Variants in FAM107B observed in about 807,000 individuals in gnomAD.
The protein encoded by FAM107B is protein FAM107B.
Under a neutral mutation model 31.5 loss-of-function variants are expected in FAM107B, and 21 were observed. The observed-to-expected ratio is 0.67, with a 90% CI of 0.47 to 0.96. The LOEUF (loss-of-function observed/expected upper bound fraction) is 0.96. FAM107B is among the 40% of genes least tolerant of loss of function. FAM107B has a pLI of 0.00. For synonymous variants in FAM107B, 157 were observed against 141.5 expected, an observed-to-expected ratio of 1.11 and a Z score of -0.78; for missense variants, 452 against 377.1, an observed-to-expected ratio of 1.20 and a Z score of -1.64.
rs545734524 is a variant in FAM107B at position 14,558,257 on chromosome 10, G to GCACACTCACATACGTGCACGCA, written c.470-27743_470-27742insTGCGTGCACGTATGTGAGTGTG. Among the ~76,000 whole-genome samples, 163 of 152,108 alleles carry GCACACTCACATACGTGCACGCA rather than the reference G, an allele frequency of 1.1e-3. 1 individual carries two copies. The highest frequency in any genetic ancestry group is 3.5e-3 in the African/African-American group (145 of 41,478). ...TGCGCACACTCACATACGTGCACGCGCACAGTCACACATACGTGCACGCAC... is the reference window on the plus strand; with the variant it reads ...TGCGCACACTCACATACGTGCACGCGCACACTCACATACGTGCACGCACACAGTCACACATACGTGCACGCAC... On this transcript the variant is annotated intron_variant, in intron 2 of 4. Transcript: ENST00000181796.
intron 1 of FAM107B, among the ~76,000 whole-genome samples, chr10:14,693,520 T>C (rs1855195149): frequency 6.6e-6 from 1 of 150,992 alleles, no homozygotes; most frequent in South Asian, 2.1e-4. Flanking sequence ...GGGATACATA[T>C]GGATAGTAAA....
In FAM107B at chr10:14,728,752, T is replaced by C. The variant is rs569757117; in HGVS notation, c.411+45501A>G. Among the ~76,000 whole-genome samples, 15 of 152,326 alleles carry C rather than the reference T, an allele frequency of 9.8e-5. No individual in the cohort carries two copies. In the South Asian group the frequency reaches 2.1e-3, roughly 21 times the overall value. ...TTGACCTCCAGCCACCTCTGAACAC[T>C]TTCAAGTCATAATCTTATTCAGCCT... On this transcript the variant is annotated intron_variant, in intron 1 of 4. Coordinates refer to ENST00000181796, the MANE Select transcript of FAM107B (RefSeq NM_031453.4).
At chr10:14,696,906 GA>G (rs1468076691) in intron 1 of FAM107B, among the ~76,000 whole-genome samples, 6 of 152,254 alleles carry the variant, frequency 3.9e-5, no homozygotes, top group Non-Finnish European at 8.8e-5. Flanking sequence ...TAGCATCTCT[GA>G]AAAGTGTCAA....
chr10:14,654,533 T>A (rs1853989828), intron 2 of FAM107B, among the ~76,000 whole-genome samples: 1 of 152,182 alleles, frequency 6.6e-6, no homozygotes, highest in Non-Finnish European at 1.5e-5. Context: ...TCAGAGGTGA[T>A]CTTAGCTAGT....
intron 2 of FAM107B, among the ~76,000 whole-genome samples, chr10:14,575,368 A>G (rs1297542352): frequency 6.6e-6 from 1 of 152,024 alleles, no homozygotes; most frequent in Non-Finnish European, 1.5e-5. Context: ...CACACCAGCT[A>G]ATTTTTGTAT....
At chr10:14,612,549 C>T (rs965772265) in intron 2 of FAM107B, 3 of 152,218 alleles carry the variant, frequency 2.0e-5, no homozygotes, top group African/African-American at 7.2e-5. Context: ...AGCTAACACA[C>T]ATTGCAGGAA....
intron 3 of FAM107B, among the ~76,000 whole-genome samples, chr10:14,529,218 T>G (rs974846205): frequency 6.6e-6 from 1 of 152,246 alleles, no homozygotes. Flanking sequence ...AATTCATATA[T>G]TCTTTCTTCT....
In FAM107B at chr10:14,519,251, G is replaced by A. The variant is rs903555947; in HGVS notation, c.*1939C>T. ...AGCCTACCAGGGCCCCTGTGAATAC[G>A]ATCAAGTGGCAGAATTGCTTCGAGA... On this transcript the variant is annotated 3_prime_UTR_variant, in exon 5 of 5. Coordinates refer to ENST00000181796, the MANE Select transcript of FAM107B (RefSeq NM_031453.4). The A allele has an allele frequency of 3.3e-5, 5 of 151,890 alleles. No individual in the cohort carries two copies. Among genetic ancestry groups the A allele is most frequent in the African/African-American group, 7.3e-5 (3 of 41,324 alleles). The allele number at this position is 151,890 out of a possible 1,614,324, so 9.4% of individuals were successfully genotyped here. A position where few individuals can be genotyped will look rare whatever the true frequency, so the allele number is the denominator to read the frequency against.
intron 2 of FAM107B, among the ~76,000 whole-genome samples, chr10:14,553,108 G>A (rs930711234): frequency 2.6e-5 from 4 of 152,144 alleles, no homozygotes; most frequent in African/African-American, 7.2e-5. Context: ...CTGATAGTAA[G>A]ACATCATCTT....
At chr10:14,711,082 T>C (rs1312914130) in intron 1 of FAM107B, among the ~76,000 whole-genome samples, 1 of 152,160 alleles carries the variant, frequency 6.6e-6, no homozygotes, top group African/African-American at 2.4e-5. Context: ...GGTTACCTTT[T>C]GTATTTTTTT....
At chr10:14,762,616 C>T (rs924684817) in intron 1 of FAM107B, among the ~76,000 whole-genome samples, 12 of 151,932 alleles carry the variant, frequency 7.9e-5, no homozygotes, top group African/African-American at 2.9e-4. Flanking sequence ...ATTAGCTGGG[C>T]ATGGTTGCAC....
chr10:14,762,071 G>A (rs999147600), intron 1 of FAM107B, among the ~76,000 whole-genome samples: 1 of 152,146 alleles, frequency 6.6e-6, no homozygotes, highest in Non-Finnish European at 1.5e-5. Flanking sequence ...AGGACGGGCA[G>A]TTGCACCTGG....
Position 14,643,371 on chromosome 10 carries a change from C to T in FAM107B, c.469+24263G>A, listed in dbSNP as rs144179468. On this transcript the variant is annotated intron_variant, in intron 2 of 4. Coordinates refer to ENST00000181796, the MANE Select transcript of FAM107B (RefSeq NM_031453.4). ...CCTCTTACTTAGCCTTTTTGCTTTA[C>T]TCAGGTCTTCAAAGACCCATATTAG... 2.5e-3 allele frequency among the ~76,000 whole-genome samples: 373 copies of T among 151,630 alleles called. 3 individuals carry two copies. The highest frequency in any genetic ancestry group is 0.023 in the Admixed American group (345 of 15,214).
chr10:14,734,603 C>G (rs1373733024), intron 1 of FAM107B, among the ~76,000 whole-genome samples: 1 of 151,652 alleles, frequency 6.6e-6, no homozygotes, highest in East Asian at 1.9e-4. Context: ...GATTGGACAC[C>G]TTTGAATTGT....
rs758667791 is a variant in FAM107B, at chr10:14,530,319, G to A, written c.653+13C>T. ...CCTCTTAAAAAAAAAATATGCTCAA[G>A]AAACCATTTTACCTTTTTTGATTCA... is the stretch of plus-strand genomic sequence containing the variant. On this transcript the variant is annotated intron_variant, in intron 3 of 4. Coordinates refer to ENST00000181796, the MANE Select transcript of FAM107B (RefSeq NM_031453.4). The A allele has an allele frequency of 6.9e-6, 11 of 1,596,990 alleles. No homozygotes were observed. The highest frequency in any genetic ancestry group is 1.8e-5 in the Admixed American group (1 of 55,450).
chr10:14,729,547 T>C (rs939996236), intron 1 of FAM107B, among the ~76,000 whole-genome samples: 1 of 151,896 alleles, frequency 6.6e-6, no homozygotes, highest in Non-Finnish European at 1.5e-5. Flanking sequence ...CACAGTGGCA[T>C]AGGAAGTAAA....
intron 2 of FAM107B, among the ~76,000 whole-genome samples, chr10:14,531,741 G>A (rs1490788471): frequency 5.9e-5 from 9 of 152,140 alleles, no homozygotes; most frequent in African/African-American, 2.2e-4. Flanking sequence ...GGCTGAGGCA[G>A]GAGAATCGCT....
intron 1 of FAM107B, among the ~76,000 whole-genome samples, chr10:14,731,087 T>C (rs975987254): frequency 6.6e-6 from 1 of 152,202 alleles, no homozygotes; most frequent in Non-Finnish European, 1.5e-5. Context: ...CTGCTCACTT[T>C]GGTGTGTCTA....
chr10:14,562,135 A>C (rs1850298955), intron 2 of FAM107B, among the ~76,000 whole-genome samples: 2 of 152,356 alleles, frequency 1.3e-5, no homozygotes, highest in Middle Eastern at 3.4e-3. Flanking sequence ...TTAGTGATGG[A>C]AAGTAAATTT....
Sources: allele counts gnomAD v4.1 joint callset (sites outside exome capture counted in the v4.1 genomes callset), GRCh38; gene constraint gnomAD v4.1.1; transcripts MANE v1.5; gene names NCBI Gene and HGNC (gene_info 2026-07-23, HGNC 2026-07-21).